PPP1R3A: variants seen among roughly 807,000 people sequenced by gnomAD.
PPP1R3A encodes the protein RG1.
PPP1R3A carries 29 observed loss-of-function variants against 41.7 expected under a neutral mutation model. That is an observed-to-expected ratio of 0.70 (90% CI 0.52 to 0.95). The LOEUF (loss-of-function observed/expected upper bound fraction) is 0.95, where lower values mean the gene tolerates loss of function less well. Among genes scored for constraint, PPP1R3A ranks in the 40% least tolerant of loss-of-function variants. The pLI, the probability that PPP1R3A is intolerant of heterozygous loss-of-function variation, is 0.00. For synonymous variants in PPP1R3A, 485 were observed against 453.4 expected, an observed-to-expected ratio of 1.07 and a Z score of -0.89; for missense variants, 1,352 against 1,292.4, an observed-to-expected ratio of 1.05 and a Z score of -0.71.
chr7:113,914,184 T>C (rs981887200), intron 1 of PPP1R3A, among the ~76,000 whole-genome samples: 1 of 152,130 alleles, frequency 6.6e-6, no homozygotes. Flanking sequence ...CATGCTATAT[T>C]AAAAGCTTTA....
At position 113,908,339 on chromosome 7, in the gene PPP1R3A, C is replaced by T. The variant is rs200527580; in HGVS notation, c.782+9876G>A. 5.9e-5 allele frequency among the ~76,000 whole-genome samples: 9 copies of T among 151,566 alleles called. No homozygotes were observed. The East Asian group carries it at 1.6e-3, about 26-fold the overall frequency. The stretch of plus-strand genomic sequence containing the variant: ...AGTGAAAAGCTCGTGTGTGCACACA[C>T]GTGTGTGTGTGTGTATTTTTTCCAC... On this transcript the variant is annotated intron_variant, in intron 1 of 3. Coordinates refer to ENST00000284601, the MANE Select transcript of PPP1R3A (RefSeq NM_002711.4).
Position 113,878,861 on chromosome 7 carries a change from A to G in PPP1R3A, c.2231T>C (p.Met744Thr). Residue 744 changes from methionine to threonine, a missense_variant, in exon 4 of 4, where the codon ATG becomes ACG. Coordinates refer to ENST00000284601, the MANE Select transcript of PPP1R3A (RefSeq NM_002711.4). ...KTTSESTPES[M>T]SAREKAIIAK... ...AATTATTGCTTTTTCTCTAGCAGAC[A>G]TGCTTTCTGGAGTACTTTCTGATGT... The G allele has an allele frequency of 6.2e-7, 1 of 1,613,082 alleles. No individual in the cohort carries two copies. The highest frequency in any genetic ancestry group is 1.7e-5 in the Admixed American group (1 of 59,860).
At chr7:113,886,250 A>G (rs1231095752) in intron 1 of PPP1R3A, among the ~76,000 whole-genome samples, 2 of 152,082 alleles carry the variant, frequency 1.3e-5, no homozygotes, top group African/African-American at 4.8e-5. Context: ...AACTCCCACA[A>G]TTCCCACAGT....
At position 113,880,062 on chromosome 7, in the gene PPP1R3A, T is replaced by C; in HGVS notation, c.1030A>G (p.Thr344Ala). The C allele has an allele frequency of 2.5e-6, 4 of 1,610,468 alleles. No homozygotes were observed. The highest frequency in any genetic ancestry group is 3.4e-6 in the Non-Finnish European group (4 of 1,177,140). ...ASRDERNTFSTDPVNFPNKAE... is the reference protein window; with the variant it reads ...ASRDERNTFSADPVNFPNKAE... ...TTATTTGGAAAATTGACTGGATCTG[T>C]TGAAAATGTATTCCTTTCATCTCTG... Residue 344 changes from threonine to alanine, a missense_variant, in exon 4 of 4, where the codon ACA (threonine) becomes GCA (alanine). Thr to Ala is a moderately conservative substitution (Grantham distance 58). Transcript: ENST00000284601.
intron 1 of PPP1R3A, among the ~76,000 whole-genome samples, chr7:113,911,702 C>T (rs543734118): frequency 1.3e-5 from 2 of 151,976 alleles, no homozygotes; most frequent in African/African-American, 4.8e-5. Flanking sequence ...TATAAATACT[C>T]GTCTCCCTGG....
chr7:113,877,440 A>G lies in PPP1R3A; in HGVS notation c.*283T>C. On this transcript the variant is annotated 3_prime_UTR_variant, in exon 4 of 4. Transcript: ENST00000284601. ...CACTTTAAGTAGTGAAGAGATGTGA[A>G]GCATTGCAACTTCATAGCCTGCTAA... 3.5e-6 allele frequency: 1 copy of G among 289,140 alleles called. No individual in the cohort carries two copies. Among genetic ancestry groups the G allele is most frequent in the South Asian group, 1.2e-4 (1 of 8,072 alleles). 17.9% of individuals were successfully genotyped at this position (289,140 alleles called of 1,614,324 possible). A position where few individuals can be genotyped will look rare whatever the true frequency, so the allele number is the denominator to read the frequency against.
intron 1 of PPP1R3A, among the ~76,000 whole-genome samples, chr7:113,904,292 C>G (rs1285262758): frequency 6.6e-6 from 1 of 151,612 alleles, no homozygotes; most frequent in African/African-American, 2.4e-5. Context: ...TATACATTTC[C>G]TGGACTTGAT....
intron 3 of PPP1R3A, 91 bp from the exon 4 acceptor site, chr7:113,880,216 A>C: frequency 2.7e-6 from 3 of 1,130,168 alleles, no homozygotes; most frequent in Non-Finnish European, 3.8e-6. Context: ...TCGGCTAGTA[A>C]TTATCTGGTA....
chr7:113,880,649 G>GTA (rs1200283515), intron 3 of PPP1R3A, among the ~76,000 whole-genome samples: 1 of 151,580 alleles, frequency 6.6e-6, no homozygotes, highest in African/African-American at 2.4e-5. Context: ...CTGCCAACTG[G>GTA]TACTCAAATG....
At chr7:113,895,136 A>ACC in intron 1 of PPP1R3A, among the ~76,000 whole-genome samples, 1 of 151,982 alleles carries the variant, frequency 6.6e-6, no homozygotes, top group Admixed American at 6.6e-5. Context: ...TTTATTTTTT[A>ACC]AAGAGAACAA....
intron 1 of PPP1R3A, among the ~76,000 whole-genome samples, chr7:113,907,145 A>G (rs1408178807): frequency 6.6e-6 from 1 of 151,810 alleles, no homozygotes; most frequent in Admixed American, 6.6e-5. Flanking sequence ...TTACCTGTAA[A>G]TCAGAATCTT....
At position 113,876,937 on chromosome 7, in the gene PPP1R3A, T is replaced by G. The variant is rs1326047254; in HGVS notation, c.*786A>C. The G allele has an allele frequency of 6.6e-6, 1 of 151,978 alleles. No homozygotes were observed. Among genetic ancestry groups the G allele is most frequent in the Non-Finnish European group, 1.5e-5 (1 of 67,956 alleles). The allele number at this position is 151,978 out of a possible 1,614,324, so 9.4% of individuals were successfully genotyped here. A position where few individuals can be genotyped will look rare whatever the true frequency, so the allele number is the denominator to read the frequency against. ...GGAAATTTTAATTTACATTTTCAATTCTGAATAGTTGACACTGAAATAGTT... is the reference window on the plus strand; with the variant it reads ...GGAAATTTTAATTTACATTTTCAATGCTGAATAGTTGACACTGAAATAGTT... On this transcript the variant is annotated 3_prime_UTR_variant, in exon 4 of 4. Coordinates refer to ENST00000284601, the MANE Select transcript of PPP1R3A (RefSeq NM_002711.4).
intron 1 of PPP1R3A, among the ~76,000 whole-genome samples, chr7:113,906,549 A>C (rs1473813859): frequency 6.6e-6 from 1 of 151,678 alleles, no homozygotes; most frequent in African/African-American, 2.4e-5. Flanking sequence ...TGGAACATAA[A>C]GTAATTTGCC....
chr7:113,896,615 G>A (rs1275646279), intron 1 of PPP1R3A, among the ~76,000 whole-genome samples: 1 of 151,766 alleles, frequency 6.6e-6, no homozygotes, highest in African/African-American at 2.4e-5. Flanking sequence ...GGTGGGTGGG[G>A]AAAACATAGT....
chr7:113,881,987 G>A (rs1436953005), intron 3 of PPP1R3A, 52 bp downstream of exon 3: 1 of 1,604,906 alleles, frequency 6.2e-7, no homozygotes, highest in Non-Finnish European at 8.5e-7. Context: ...CAGCATCTTT[G>A]AAGCAGAAAT....
rs753171269 is a variant in PPP1R3A, at chr7:113,878,197, C to T, written c.2895G>A (p.Lys965=). Reference sequence around the variant, plus strand: ...CAGGTTTAGACTCAGGATAAGGGTGCTTCTCAATACCCTGGATTTCTCTTG... The same window carrying T: ...CAGGTTTAGACTCAGGATAAGGGTGTTTCTCAATACCCTGGATTTCTCTTG... ...NSTREIQGIE[K]HPYPESKPEE... The change falls in exon 4 of 4, where the codon AAG becomes AAA. Residue 965 remains lysine, a synonymous_variant. Transcript: ENST00000284601. 7.4e-6 allele frequency: 12 copies of T among 1,613,118 alleles called. No individual in the cohort carries two copies. In the Admixed American group the frequency reaches 1.0e-4, roughly 13 times the overall value.
chr7:113,885,132 C>T (rs1016792297), intron 1 of PPP1R3A, among the ~76,000 whole-genome samples: 1 of 152,140 alleles, frequency 6.6e-6, no homozygotes, highest in African/African-American at 2.4e-5. Flanking sequence ...TAGCTCATTG[C>T]AACTTCCACC....
At chr7:113,913,781 C>A (rs1031945285) in intron 1 of PPP1R3A, among the ~76,000 whole-genome samples, 2 of 152,078 alleles carry the variant, frequency 1.3e-5, no homozygotes, top group Non-Finnish European at 2.9e-5. Flanking sequence ...TTCTAGAAAA[C>A]CTCAAGTGGA....
chr7:113,877,774 G>A lies in PPP1R3A; in HGVS notation c.3318C>T (p.Ser1106=). 6.3e-7 allele frequency: 1 copy of A among 1,599,966 alleles called. No homozygotes were observed. The highest frequency in any genetic ancestry group is 8.5e-7 in the Non-Finnish European group (1 of 1,172,470). Residue 1106 remains serine, a synonymous_variant, in exon 4 of 4, where the codon TCC becomes TCT. Coordinates refer to ENST00000284601, the MANE Select transcript of PPP1R3A (RefSeq NM_002711.4). ...IGLTFYVLSL[S]WLSWEEGRQK... ...GTCTACCCTCTTCCCAGGATAGCCA[G>A]GACAATGACAAAACGTAGAATGTCA...
Sources: allele counts gnomAD v4.1 joint callset (sites outside exome capture counted in the v4.1 genomes callset), GRCh38; gene constraint gnomAD v4.1.1; transcripts MANE v1.5; gene names NCBI Gene and HGNC (gene_info 2026-07-23, HGNC 2026-07-21).